Variants in EYA1 observed in about 807,000 individuals in gnomAD.
The protein encoded by EYA1 is EYA transcriptional coactivator and phosphatase 1, also known as protein phosphatase EYA1.
EYA1 carries 16 observed loss-of-function variants against 82.0 expected under a neutral mutation model. That is an observed-to-expected ratio of 0.20 (90% CI 0.13 to 0.30). The LOEUF is 0.30. Ranked by LOEUF, EYA1 falls within the 10% of genes least tolerant of loss-of-function variation. The pLI, the probability that EYA1 is intolerant of heterozygous loss-of-function variation, is 1.00. For synonymous variants in EYA1, 261 were observed against 264.4 expected, an observed-to-expected ratio of 0.99 and a Z score of 0.12; for missense variants, 633 against 730.7, an observed-to-expected ratio of 0.87 and a Z score of 1.54.
chr8:71,341,782 T>C (rs1221735908), intron 3 of EYA1, among the ~76,000 whole-genome samples: 1 of 152,186 alleles, frequency 6.6e-6, no homozygotes, highest in Non-Finnish European at 1.5e-5. Context: ...GTACACCTGG[T>C]ACAATCTTAT....
At chr8:71,482,544 C>A (rs562890365) in intron 2 of EYA1, among the ~76,000 whole-genome samples, 12 of 152,220 alleles carry the variant, frequency 7.9e-5, no homozygotes, top group African/African-American at 2.9e-4. Context: ...TAGGTATATA[C>A]CCAAGAGAAA....
chr8:71,504,257 TTGG>T (rs1281118086), intron 2 of EYA1, among the ~76,000 whole-genome samples: 40 of 152,330 alleles, frequency 2.6e-4, no homozygotes, highest in Admixed American at 2.4e-3. Flanking sequence ...AGGGAAATAC[TTGG>T]TGGTGCACAG....
intron 1 of EYA1, among the ~76,000 whole-genome samples, chr8:71,541,655 A>C (rs939207824): frequency 6.6e-6 from 1 of 152,228 alleles, no homozygotes; most frequent in African/African-American, 2.4e-5. Flanking sequence ...GCACACCCAT[A>C]AGGGATTTGA....
intron 17 of EYA1, among the ~76,000 whole-genome samples, chr8:71,201,508 A>C (rs927364181): frequency 6.6e-6 from 1 of 152,112 alleles, no homozygotes; most frequent in Admixed American, 6.5e-5. Context: ...GGTTAGAAAA[A>C]CGTTTGATCC....
At chr8:71,414,186 G>C (rs1830745018) in intron 2 of EYA1, among the ~76,000 whole-genome samples, 1 of 152,164 alleles carries the variant, frequency 6.6e-6, no homozygotes. Flanking sequence ...TCCCAGAAAG[G>C]GTGTGACCTC....
At chr8:71,335,734 A>T (rs1031244451) in intron 3 of EYA1, among the ~76,000 whole-genome samples, 2 of 152,082 alleles carry the variant, frequency 1.3e-5, no homozygotes, top group African/African-American at 4.8e-5. Flanking sequence ...GCAGTATTTC[A>T]TTGCTAGCAC....
In EYA1 at chr8:71,273,875, C is replaced by T. The variant is rs550284800; in HGVS notation, c.827-1978G>A. On this transcript the variant is annotated intron_variant, in intron 9 of 17. Coordinates refer to ENST00000340726, the MANE Select transcript of EYA1 (RefSeq NM_000503.6). ...TGTTACAACTTTTTCCTTGACTTAC[C>T]GACAGTATAATTTTGTCGTAAAAGT... Among the ~76,000 whole-genome samples the T allele has an allele frequency of 3.9e-5, 6 of 152,242 alleles. No individual in the cohort carries two copies. The East Asian group carries it at 5.8e-4, about 15-fold the overall frequency.
intron 9 of EYA1, among the ~76,000 whole-genome samples, chr8:71,294,529 G>A (rs1469821921): frequency 1.3e-5 from 2 of 152,146 alleles, no homozygotes; most frequent in African/African-American, 4.8e-5. Flanking sequence ...GAGAGAGAAA[G>A]AGGTGTAACT....
chr8:71,366,565 G>A (rs1827770543), upstream of EYA1, among the ~76,000 whole-genome samples: 2 of 152,138 alleles, frequency 1.3e-5, no homozygotes, highest in African/African-American at 4.8e-5. Context: ...AATTTGCTTT[G>A]TGTTTTTCAG....
intron 2 of EYA1, among the ~76,000 whole-genome samples, chr8:71,528,939 A>G (rs1814032945): frequency 6.6e-6 from 1 of 152,208 alleles, no homozygotes; most frequent in Admixed American, 6.5e-5. Context: ...CCTTTCCAAA[A>G]AGATGTTTCA....
intron 3 of EYA1, among the ~76,000 whole-genome samples, chr8:71,341,656 T>C (rs1167167907): frequency 6.6e-6 from 1 of 152,198 alleles, no homozygotes; most frequent in Non-Finnish European, 1.5e-5. Flanking sequence ...AAACAAGACA[T>C]TCCTTTATGT....
At chr8:71,358,664 T>C (rs751141096) in intron 1 of EYA1, among the ~76,000 whole-genome samples, 2 of 152,220 alleles carry the variant, frequency 1.3e-5, no homozygotes, top group Admixed American at 6.5e-5. Context: ...CACATGCTTT[T>C]AGTTTTTTAT....
At chr8:71,411,926 A>G (rs931783825) in intron 2 of EYA1, among the ~76,000 whole-genome samples, 2 of 151,236 alleles carry the variant, frequency 1.3e-5, no homozygotes. Context: ...AGACACATGC[A>G]CACGTATGTT....
At chr8:71,276,840 TG>T (rs1210462449) in intron 9 of EYA1, among the ~76,000 whole-genome samples, 2 of 152,210 alleles carry the variant, frequency 1.3e-5, no homozygotes, top group African/African-American at 2.4e-5. Context: ...CTAGTAGTAT[TG>T]CTTGCTCGTT....
chr8:71,421,729 T>A (rs1831159702), intron 2 of EYA1, among the ~76,000 whole-genome samples: 1 of 152,128 alleles, frequency 6.6e-6, no homozygotes, highest in African/African-American at 2.4e-5. Context: ...TGAGTTGGCC[T>A]CCTCCAAACT....
intron 2 of EYA1, among the ~76,000 whole-genome samples, chr8:71,402,204 A>G (rs1053769389): frequency 1.1e-4 from 16 of 152,194 alleles, no homozygotes; most frequent in Admixed American, 4.6e-4. Context: ...AGGAATCACA[A>G]GTTTGTGGTC....
chr8:71,362,606 G>C (rs565217193), upstream of EYA1, among the ~76,000 whole-genome samples: 1 of 152,250 alleles, frequency 6.6e-6, no homozygotes, highest in African/African-American at 2.4e-5. Context: ...AAACGTGCAA[G>C]CTTTTATCAG....
At chr8:71,252,361 A>C (rs1293039193) in intron 11 of EYA1, among the ~76,000 whole-genome samples, 2 of 152,060 alleles carry the variant, frequency 1.3e-5, no homozygotes, top group Non-Finnish European at 2.9e-5. Context: ...GTATTCCTTT[A>C]CAACAATGGA....
intron 2 of EYA1, among the ~76,000 whole-genome samples, chr8:71,460,334 G>A (rs1245851853): frequency 6.6e-6 from 1 of 152,130 alleles, no homozygotes; most frequent in Non-Finnish European, 1.5e-5. Context: ...CCTGAGCATC[G>A]GTTTTAAAAG....
Sources: allele counts gnomAD v4.1 joint callset (sites outside exome capture counted in the v4.1 genomes callset), GRCh38; gene constraint gnomAD v4.1.1; transcripts MANE v1.5; gene names NCBI Gene and HGNC (gene_info 2026-07-23, HGNC 2026-07-21).